Variants in LRP2 observed in about 807,000 individuals in gnomAD.
LRP2 encodes LDL receptor related protein 2.
In LRP2, 172 loss-of-function variants were observed where a neutral mutation model predicts 531.0. The observed-to-expected ratio is 0.32, with a 90% CI of 0.29 to 0.37. The LOEUF (loss-of-function observed/expected upper bound fraction) is 0.37, where lower values mean the gene tolerates loss of function less well. LRP2 is among the 10% of genes least tolerant of loss of function. LRP2 has a pLI of 1.00. For missense variants in LRP2, 5,167 were observed against 5,868.3 expected (o/e 0.88, Z 3.90); for synonymous variants, 1,992 against 2,027.6 (o/e 0.98, Z 0.47).
At chr2:169,186,141 A>G in intron 49 of LRP2, 122 bp from the exon 50 acceptor site, 1 of 860,854 alleles carries the variant, frequency 1.2e-6, no homozygotes, top group East Asian at 2.6e-5. Context: ...TAAGACAGAC[A>G]ACAAAGACTT....
At chr2:169,200,412 A>G (rs1688165673) in intron 44 of LRP2, among the ~76,000 whole-genome samples, 1 of 152,204 alleles carries the variant, frequency 6.6e-6, no homozygotes, top group African/African-American at 2.4e-5. Context: ...TAAGTGGCTA[A>G]TTCCAGGACT....
intron 46 of LRP2, among the ~76,000 whole-genome samples, chr2:169,194,352 C>T (rs1159476495): frequency 6.6e-6 from 1 of 152,194 alleles, no homozygotes; most frequent in Non-Finnish European, 1.5e-5. Context: ...AGACAATTTA[C>T]TGATTGGTTG....
intron 52 of LRP2, among the ~76,000 whole-genome samples, chr2:169,181,128 T>TA (rs201261105): frequency 1.3e-5 from 2 of 151,958 alleles, no homozygotes; most frequent in Non-Finnish European, 2.9e-5. Context: ...ATTAAAGAGA[T>TA]AAAAAAAATT....
chr2:169,128,583 A>G lies in LRP2; in HGVS notation c.*80T>C. ...ATATATTTTTTTCATAAAGTACTGA[A>G]TGTTAACTTTTTTCATCTGTTTGTA... On this transcript the variant is annotated 3_prime_UTR_variant, in exon 79 of 79. Coordinates refer to ENST00000649046, the MANE Select transcript of LRP2 (RefSeq NM_004525.3). 2.9e-6 allele frequency: 4 copies of G among 1,388,800 alleles called. No individual in the cohort carries two copies. The highest frequency in any genetic ancestry group is 1.2e-5 in the South Asian group (1 of 85,524). The allele number at this position is 1,388,800 out of a possible 1,614,324, so 86.0% of individuals were successfully genotyped here.
At chr2:169,248,368 C>T (rs1338901281) in intron 19 of LRP2, among the ~76,000 whole-genome samples, 2 of 152,186 alleles carry the variant, frequency 1.3e-5, no homozygotes, top group Non-Finnish European at 2.9e-5. Context: ...TGACCAATTT[C>T]CTTATCTGTG....
rs1333442304 is a variant in LRP2, at chr2:169,209,458, AC to A, written c.6463del (p.Val2155Ter). The A allele has an allele frequency of 6.2e-7, 1 of 1,613,706 alleles. No homozygotes were observed. The highest frequency in any genetic ancestry group is 8.5e-7 in the Non-Finnish European group (1 of 1,179,736). On this transcript the variant is annotated frameshift_variant, in exon 38 of 79. Coordinates refer to ENST00000649046, the MANE Select transcript of LRP2 (RefSeq NM_004525.3). LOFTEE classifies it high-confidence loss of function. ...TCACCATATAGCTTACATACCTGCT[AC>A]CCAATCCACTGCAATACCCCGGACT... ...NGVRGIAVDW[V>X]AGNLYFTNAF...
chr2:169,342,139 A>T (rs535903505), intron 1 of LRP2, among the ~76,000 whole-genome samples: 1 of 152,198 alleles, frequency 6.6e-6, no homozygotes, highest in African/African-American at 2.4e-5. Flanking sequence ...AAACAAAGAA[A>T]ATGTCACACG....
At chr2:169,174,396 A>G (rs1687111705) in intron 55 of LRP2, among the ~76,000 whole-genome samples, 1 of 152,210 alleles carries the variant, frequency 6.6e-6, no homozygotes. Context: ...ATAAGAACTG[A>G]ACACCCTGAC....
rs1293996534 is a variant in LRP2 at position 169,203,967 on chromosome 2, T to C, written c.8005+15A>G. The stretch of plus-strand genomic sequence containing the variant: ...ATTATTCTCCATGTTCTAATTTTCA[T>C]GGTCAGTGCCTTACCTGGTGCACAG... On this transcript the variant is annotated intron_variant, in intron 42 of 78. Coordinates refer to ENST00000649046, the MANE Select transcript of LRP2 (RefSeq NM_004525.3). 27 of 1,613,588 alleles carry C rather than the reference T, an allele frequency of 1.7e-5. No individual in the cohort carries two copies. The highest frequency in any genetic ancestry group is 2.0e-5 in the Non-Finnish European group (24 of 1,179,628).
chr2:169,200,717 C>G (rs767558375), intron 44 of LRP2, among the ~76,000 whole-genome samples: 20 of 152,158 alleles, frequency 1.3e-4, no homozygotes, highest in Non-Finnish European at 2.6e-4. Flanking sequence ...TAATTACCAA[C>G]AAAAGCTGGT....
chr2:169,306,693 T>C (rs1278261976), intron 4 of LRP2, among the ~76,000 whole-genome samples: 1 of 126,190 alleles, frequency 7.9e-6, no homozygotes, highest in African/African-American at 3.4e-5. Flanking sequence ...TGTTCTTTAC[T>C]TACCTGTTAC....
intron 16 of LRP2, among the ~76,000 whole-genome samples, chr2:169,265,270 GAA>G (rs2105425184): frequency 6.6e-6 from 1 of 152,190 alleles, no homozygotes; most frequent in South Asian, 2.1e-4. Flanking sequence ...ACCATCTCCA[GAA>G]AAGACTCACT....
At chr2:169,181,706 G>A in intron 51 of LRP2, 88 bp from the exon 52 acceptor site, 2 of 1,158,544 alleles carry the variant, frequency 1.7e-6, no homozygotes, top group Non-Finnish European at 2.6e-6. Context: ...TAGAGAAATG[G>A]AGTCTGCATT....
chr2:169,259,279 T>G, intron 16 of LRP2, 62 bp from the exon 17 acceptor site: 3 of 1,215,824 alleles, frequency 2.5e-6, no homozygotes, highest in Non-Finnish European at 3.6e-6. Context: ...TCAATTTTCC[T>G]ACTAATGCAC....
intron 1 of LRP2, among the ~76,000 whole-genome samples, chr2:169,351,216 A>G (rs1434250017): frequency 6.6e-6 from 1 of 152,236 alleles, no homozygotes; most frequent in Non-Finnish European, 1.5e-5. Context: ...GGAAGTCATG[A>G]GTGACTTTGA....
chr2:169,273,004 G>A lies in LRP2; in HGVS notation c.2039C>T (p.Thr680Ile). The change falls in exon 15 of 79, where the codon ACA becomes ATA. Residue 680 changes from threonine (T) to isoleucine (I), a missense_variant. Physicochemically the swap from Thr to Ile is moderately conservative, Grantham distance 89 (BLOSUM62 -1). Transcript: ENST00000649046. ...CEQVCVLSHRTDNDGLGFRCK... is the reference protein window; with the variant it reads ...CEQVCVLSHRIDNDGLGFRCK... ...ACGGAAACCCAAACCATCATTATCTGTTCTGTGGCTGAGGACACAGACCTG... is the reference window on the plus strand; with the variant it reads ...ACGGAAACCCAAACCATCATTATCTATTCTGTGGCTGAGGACACAGACCTG... 6.2e-7 allele frequency: 1 copy of A among 1,613,728 alleles called. No homozygotes were observed. The highest frequency in any genetic ancestry group is 8.5e-7 in the Non-Finnish European group (1 of 1,179,784).
chr2:169,173,064 C>G (rs752455376), intron 57 of LRP2, 32 bp downstream of exon 57: 2 of 1,613,790 alleles, frequency 1.2e-6, no homozygotes, highest in Non-Finnish European at 8.5e-7. Flanking sequence ...ACTTTCTTGT[C>G]CCTCCCTCCA....
At chr2:169,194,900 C>T (rs1266181063) in intron 46 of LRP2, among the ~76,000 whole-genome samples, 1 of 150,460 alleles carries the variant, frequency 6.6e-6, no homozygotes, top group Admixed American at 6.6e-5. Context: ...TTAGTAGAGA[C>T]AGGTTTCACC....
chr2:169,182,353 T>C (rs1185364033), intron 50 of LRP2, 34 bp from the exon 51 acceptor site: 2 of 1,610,978 alleles, frequency 1.2e-6, no homozygotes, highest in Admixed American at 1.7e-5. Flanking sequence ...ACCAATACAG[T>C]CACTTTGTGA....
Sources: allele counts gnomAD v4.1 joint callset (sites outside exome capture counted in the v4.1 genomes callset), GRCh38; gene constraint gnomAD v4.1.1; transcripts MANE v1.5; gene names NCBI Gene and HGNC (gene_info 2026-07-23, HGNC 2026-07-21).